FBXO30: variants seen among roughly 807,000 people sequenced by gnomAD.
FBXO30 encodes F-box protein 30.
In FBXO30, 21 loss-of-function variants were observed where a neutral mutation model predicts 58.1. That is an observed-to-expected ratio of 0.36 (90% CI 0.26 to 0.52). FBXO30 has a LOEUF of 0.52. FBXO30 is among the 20% of genes least tolerant of loss of function. The pLI is 0.93. For synonymous variants in FBXO30, 309 were observed against 312.4 expected, an observed-to-expected ratio of 0.99 and a Z score of 0.11; for missense variants, 744 against 897.3, an observed-to-expected ratio of 0.83 and a Z score of 2.18.
chr6:145,800,396 C>A, intron 2 of FBXO30, 87 bp from the exon 3 acceptor site: 1 of 1,042,662 alleles, frequency 9.6e-7, no homozygotes, highest in Non-Finnish European at 1.4e-6. Flanking sequence ...TACATTTCTG[C>A]TATTATAGAA....
intron 1 of FBXO30, among the ~76,000 whole-genome samples, chr6:145,806,769 T>G (rs1362071793): frequency 6.6e-6 from 1 of 152,226 alleles, no homozygotes; most frequent in Non-Finnish European, 1.5e-5. Flanking sequence ...TATTTTAGAT[T>G]TCAGAGTGTT....
At chr6:145,814,298 A>C (rs1450033953) in intron 1 of FBXO30, among the ~76,000 whole-genome samples, 1 of 152,220 alleles carries the variant, frequency 6.6e-6, no homozygotes, top group East Asian at 1.9e-4. Context: ...TGGGGGGGAC[A>C]CGGAGGTCGG....
chr6:145,805,431 T>C lies in FBXO30; in HGVS notation c.975A>G (p.Ser325=), dbSNP rs757320923. 4.9e-5 allele frequency: 79 copies of C among 1,613,752 alleles called. No individual in the cohort carries two copies. The highest frequency in any genetic ancestry group is 6.4e-5 in the Non-Finnish European group (76 of 1,179,892). ...GDCVASSDGT[S]KPSSSLAVAA... ...CCACCGCAAGTGAGCTGGAAGGTTT[T>C]GAAGTGCCATCTGATGATGCCACAC... Residue 325 remains serine, a synonymous_variant, in exon 2 of 3, where the codon TCA becomes TCG. Transcript: ENST00000237281.
rs1777906279 is a variant in FBXO30, at chr6:145,798,331, T to C, written c.*1775A>G. On this transcript the variant is annotated 3_prime_UTR_variant, in exon 3 of 3. Coordinates refer to ENST00000237281, the MANE Select transcript of FBXO30 (RefSeq NM_032145.5). The stretch of plus-strand genomic sequence containing the variant: ...GTAAAAGAAATATAAGGTGGAAAAA[T>C]TGTTAAGTATCTCATAATCCAGTGT... The C allele has an allele frequency of 6.6e-6, 1 of 151,838 alleles. No individual in the cohort carries two copies. The highest frequency in any genetic ancestry group is 1.5e-5 in the Non-Finnish European group (1 of 67,890). The allele number at this position is 151,838 out of a possible 1,614,324, so 9.4% of individuals were successfully genotyped here. A position where few individuals can be genotyped will look rare whatever the true frequency, so the allele number is the denominator to read the frequency against.
rs1488854318 is a variant in FBXO30 at position 145,805,382 on chromosome 6, GTAT to G, written c.1021_1023del (p.Ile341del). ...GTGCCATTAGGCAAAGCACTGGATG[GTAT>G]TATTTCCCTAAGTTGTGCTGCCACC... On this transcript the variant is annotated inframe_deletion, in exon 2 of 3. Transcript: ENST00000237281. The G allele has an allele frequency of 6.2e-7, 1 of 1,613,996 alleles. No individual in the cohort carries two copies. Among genetic ancestry groups the G allele is most frequent in the South Asian group, 1.1e-5 (1 of 91,082 alleles).
intron 2 of FBXO30, among the ~76,000 whole-genome samples, chr6:145,802,062 T>G (rs1335254115): frequency 1.3e-5 from 2 of 152,124 alleles, no homozygotes; most frequent in Non-Finnish European, 2.9e-5. Flanking sequence ...AGGCAGTATT[T>G]TGGTTCCCTG....
chr6:145,804,597 G>A lies in FBXO30; in HGVS notation c.1809C>T (p.Asn603=). The change falls in exon 2 of 3, where the codon AAC becomes AAT. Residue 603 remains asparagine, a synonymous_variant. Transcript: ENST00000237281. Reference sequence around the variant, plus strand: ...GGTCATTATGTAATCCCAACACACAGTTTCTAGCAGGCTCCACTAATACTG... The same window carrying A: ...GGTCATTATGTAATCCCAACACACAATTTCTAGCAGGCTCCACTAATACTG... The part of the protein sequence containing the change: ...VSTVLVEPAR[N]CVLGLHNDHL... The A allele has an allele frequency of 6.2e-7, 1 of 1,613,750 alleles. No homozygotes were observed. The highest frequency in any genetic ancestry group is 8.5e-7 in the Non-Finnish European group (1 of 1,179,824).
At chr6:145,801,993 T>G (rs1293976485) in intron 2 of FBXO30, among the ~76,000 whole-genome samples, 43 of 152,116 alleles carry the variant, frequency 2.8e-4, no homozygotes, top group Admixed American at 2.8e-3. Context: ...GGATCCATCT[T>G]TCACTCAAGT....
In FBXO30 at chr6:145,796,058, C is replaced by A. The variant is rs1219628016; in HGVS notation, c.*4048G>T. 3 of 151,860 alleles carry A rather than the reference C, an allele frequency of 2.0e-5. No homozygotes were observed. Among genetic ancestry groups the A allele is most frequent in the Non-Finnish European group, 4.4e-5 (3 of 67,864 alleles). 9.4% of individuals were successfully genotyped at this position (151,860 alleles called of 1,614,324 possible). A position where few individuals can be genotyped will look rare whatever the true frequency, so the allele number is the denominator to read the frequency against. On this transcript the variant is annotated 3_prime_UTR_variant, in exon 3 of 3. Transcript: ENST00000237281. ...TAAACATCTCTTTTCTTCCTGCATT[C>A]GTAAAGTGAAAAAGTGATCTATGTA...
rs1178259605 is a variant in FBXO30 at position 145,795,307 on chromosome 6, A to C, written c.*4799T>G. ...TCTTAAGAGCAATTTGACCTGATTA[A>C]TTGGTCTTAAGAGTTCAACACAAAT... is the stretch of plus-strand genomic sequence containing the variant. On this transcript the variant is annotated 3_prime_UTR_variant, in exon 3 of 3. Coordinates refer to ENST00000237281, the MANE Select transcript of FBXO30 (RefSeq NM_032145.5). The C allele has an allele frequency of 2.0e-5, 3 of 151,888 alleles. No homozygotes were observed. Among genetic ancestry groups the C allele is most frequent in the African/African-American group, 7.2e-5 (3 of 41,440 alleles). 9.4% of individuals were successfully genotyped at this position (151,888 alleles called of 1,614,324 possible).
At position 145,814,765 on chromosome 6, in the gene FBXO30, C is replaced by G. The variant is rs956887642; in HGVS notation, c.-179G>C. Reference sequence around the variant, plus strand: ...GCCGCCGCCTTTTCTCTTCTCCCGGCCTGCTCCAGAGGCAGCCACCCTCCT... The same window carrying G: ...GCCGCCGCCTTTTCTCTTCTCCCGGGCTGCTCCAGAGGCAGCCACCCTCCT... On this transcript the variant is annotated 5_prime_UTR_variant, in exon 1 of 3. Transcript: ENST00000237281. 6.5e-6 allele frequency: 1 copy of G among 153,118 alleles called. No homozygotes were observed. The highest frequency in any genetic ancestry group is 1.5e-5 in the Non-Finnish European group (1 of 68,864). The allele number at this position is 153,118 out of a possible 1,614,324, so 9.5% of individuals were successfully genotyped here.
rs1231343238 is a variant in FBXO30, at chr6:145,805,978, G to A, written c.428C>T (p.Ser143Leu). 6.2e-7 allele frequency: 1 copy of A among 1,614,016 alleles called. No homozygotes were observed. Among genetic ancestry groups the A allele is most frequent in the South Asian group, 1.1e-5 (1 of 91,072 alleles). The change falls in exon 2 of 3, where the codon TCA (serine) becomes TTA (leucine). Residue 143 changes from serine to leucine, a missense_variant. By Grantham distance (145) the Ser-to-Leu change is moderately radical. Around this residue, in one of 3 missense-constraint regions of FBXO30, gnomAD observed 135 missense variants for 201.6 expected, o/e 0.67. Coordinates refer to ENST00000237281, the MANE Select transcript of FBXO30 (RefSeq NM_032145.5). ...LESLKVATMM[S>L]KATDKVSKPR... ...TTTGGATACTTTATCAGTTGCTTTT[G>A]ACATCATGGTGGCTACTTTGAGGGA...
At chr6:145,809,614 C>G (rs1778279638) in intron 1 of FBXO30, among the ~76,000 whole-genome samples, 1 of 152,204 alleles carries the variant, frequency 6.6e-6, no homozygotes, top group Non-Finnish European at 1.5e-5. Flanking sequence ...AACAAATAGT[C>G]TCTTTTACAC....
rs1029207093 is a variant in FBXO30 at position 145,800,201 on chromosome 6, G to A, written c.2143C>T (p.Arg715Trp). Residue 715 changes from arginine (R) to tryptophan (W), a missense_variant, in exon 3 of 3, where the codon CGG becomes TGG. By Grantham distance (101) the Arg-to-Trp change is moderately radical. Transcript: ENST00000237281. ...KKCSYNVVEK[R>W]EEAIPLPCMC... The stretch of plus-strand genomic sequence containing the variant: ...CATGGCAAAGGGATTGCTTCCTCCC[G>A]TTTCTCGACAACATTGTAACTGCAT... 2.1e-5 allele frequency: 34 copies of A among 1,612,962 alleles called. No homozygotes were observed. Among genetic ancestry groups the A allele is most frequent in the Middle Eastern group, 3.3e-4 (2 of 6,074 alleles).
rs1343660491 is a variant in FBXO30, at chr6:145,804,831, C to G, written c.1575G>C (p.Gln525His). The change falls in exon 2 of 3, where the codon CAG (glutamine) becomes CAC (histidine). Residue 525 changes from glutamine to histidine, a missense_variant. Physicochemically the swap from Gln to His is conservative, Grantham distance 24 (BLOSUM62 0). This residue lies in a region of FBXO30 where 334 missense variants were observed against 433.7 expected (regional missense o/e 0.77). Coordinates refer to ENST00000237281, the MANE Select transcript of FBXO30 (RefSeq NM_032145.5). ...QRSMFTFVCG[Q>H]LFRRKEFSSH... ...AAGAAAATTCTTTCCTTCTAAATAA[C>G]TGTCCACACACAAAGGTAAACATTG... The G allele has an allele frequency of 1.9e-6, 3 of 1,613,822 alleles. No individual in the cohort carries two copies. Among genetic ancestry groups the G allele is most frequent in the Non-Finnish European group, 2.5e-6 (3 of 1,179,914 alleles).
At chr6:145,810,234 A>G (rs138975193) in intron 1 of FBXO30, among the ~76,000 whole-genome samples, 3 of 151,070 alleles carry the variant, frequency 2.0e-5, no homozygotes, top group Non-Finnish European at 2.9e-5. Context: ...TATTAACTAT[A>G]TTAAGAAAAA....
Position 145,798,972 on chromosome 6 carries a change from T to C in FBXO30, c.*1134A>G, listed in dbSNP as rs1777920632. ...GCAGACCACATCAGGTTAATAATGG[T>C]ATAAATCAATTTGAAAACTATAATA... On this transcript the variant is annotated 3_prime_UTR_variant, in exon 3 of 3. Coordinates refer to ENST00000237281, the MANE Select transcript of FBXO30 (RefSeq NM_032145.5). 1 of 152,040 alleles carries C rather than the reference T, an allele frequency of 6.6e-6. No individual in the cohort carries two copies. The highest frequency in any genetic ancestry group is 2.4e-5 in the African/African-American group (1 of 41,414). 9.4% of individuals were successfully genotyped at this position (152,040 alleles called of 1,614,324 possible).
rs567606802 is a variant in FBXO30, at chr6:145,804,684, T to C, written c.1722A>G (p.Gln574=). ...YSQRRFCPSI[Q]GAKIIHDRHL... ...GGCGGTCATGTATAATCTTTGCTCCTTGTATTGATGGACAAAATCTACGCT... is the reference window on the plus strand; with the variant it reads ...GGCGGTCATGTATAATCTTTGCTCCCTGTATTGATGGACAAAATCTACGCT... Residue 574 remains glutamine, a synonymous_variant, in exon 2 of 3, where the codon CAA becomes CAG. Transcript: ENST00000237281. 1 of 1,613,932 alleles carries C rather than the reference T, an allele frequency of 6.2e-7. No homozygotes were observed. Among genetic ancestry groups the C allele is most frequent in the South Asian group, 1.1e-5 (1 of 91,078 alleles).
chr6:145,804,958 C>G lies in FBXO30; in HGVS notation c.1448G>C (p.Cys483Ser). Residue 483 changes from cysteine (C) to serine (S), a missense_variant, in exon 2 of 3, where the codon TGT becomes TCT. By Grantham distance (112) the Cys-to-Ser change is moderately radical (BLOSUM62 -1). Coordinates refer to ENST00000237281, the MANE Select transcript of FBXO30 (RefSeq NM_032145.5). ...TGAAAGCTGTGGATTGGCATGATCA[C>G]AAGCTGAAGCTGAAGCTATCTCCCC... ...MVGEIASASA[C>S]DHANPQLSNP... The G allele has an allele frequency of 6.2e-7, 1 of 1,613,902 alleles. No individual in the cohort carries two copies. Among genetic ancestry groups the G allele is most frequent in the Non-Finnish European group, 8.5e-7 (1 of 1,179,904 alleles).
Sources: gnomAD v4.1 joint callset for allele counts (sites outside exome capture counted in the v4.1 genomes callset) on GRCh38, gnomAD v4.1.1 for gene constraint, gnomAD v4.1.1 regional missense constraint, MANE v1.5 for transcripts, NCBI Gene and HGNC (gene_info 2026-07-23, HGNC 2026-07-21) for gene names.